PLCB4: variants seen among roughly 807,000 people sequenced by gnomAD.
PLCB4 encodes the protein phospholipase C beta 4.
In PLCB4, 77 loss-of-function variants were observed where a neutral mutation model predicts 178.8. The ratio of observed to expected loss-of-function variants is 0.43; its 90% confidence interval spans 0.36 to 0.52. The LOEUF is 0.52. Among genes scored for constraint, PLCB4 ranks in the 20% least tolerant of loss-of-function variants. The pLI is 0.00. For synonymous variants in PLCB4, 496 were observed against 490.8 expected (o/e 1.01, Z -0.14); for missense variants, 1,024 against 1,453.4 (o/e 0.70, Z 4.80).
intron 18 of PLCB4, among the ~76,000 whole-genome samples, chr20:9,395,151 A>G (rs2038468260): frequency 6.6e-6 from 1 of 152,150 alleles, no homozygotes; most frequent in Admixed American, 6.5e-5. Flanking sequence ...TCAGTTCCCC[A>G]TAACTGTTCG....
At chr20:9,340,044 T>C (rs554490022) in intron 7 of PLCB4, among the ~76,000 whole-genome samples, 5 of 152,216 alleles carry the variant, frequency 3.3e-5, no homozygotes, top group South Asian at 2.1e-4. Flanking sequence ...TGGGGAGGCA[T>C]TTTGTCTTCT....
intron 35 of PLCB4, among the ~76,000 whole-genome samples, chr20:9,462,715 GAAGA>G (rs977110412): frequency 1.3e-5 from 2 of 152,152 alleles, no homozygotes; most frequent in Admixed American, 1.3e-4. Context: ...AAAGATTAGA[GAAGA>G]AAGAGTAAAA....
chr20:9,080,133 T>A (rs2090075991), intron 1 of PLCB4, among the ~76,000 whole-genome samples: 1 of 152,180 alleles, frequency 6.6e-6, no homozygotes, highest in Non-Finnish European at 1.5e-5. Context: ...TTTAACAGAA[T>A]CATTAGCATC....
At chr20:9,413,737 C>T (rs543598560) in intron 25 of PLCB4, among the ~76,000 whole-genome samples, 11 of 151,830 alleles carry the variant, frequency 7.2e-5, no homozygotes, top group African/African-American at 2.7e-4. Context: ...ATTATTAGCA[C>T]GTGCAGTGTC....
At chr20:9,352,742 C>T (rs2034459702) in intron 7 of PLCB4, among the ~76,000 whole-genome samples, 1 of 152,154 alleles carries the variant, frequency 6.6e-6, no homozygotes, top group African/African-American at 2.4e-5. Context: ...ATTTCTTGCA[C>T]AAATACTCAT....
intron 2 of PLCB4, among the ~76,000 whole-genome samples, chr20:9,145,742 G>A (rs2092587028): frequency 1.3e-5 from 2 of 152,042 alleles, no homozygotes; most frequent in South Asian, 2.1e-4. Flanking sequence ...AATTGGAATA[G>A]CAAGGATCTC....
chr20:9,163,112 G>A (rs538705454), intron 2 of PLCB4, among the ~76,000 whole-genome samples: 1 of 152,284 alleles, frequency 6.6e-6, no homozygotes, highest in South Asian at 2.1e-4. Flanking sequence ...GAGATTGGAA[G>A]GGGAGCAGTG....
chr20:9,114,289 G>A (rs113861973), intron 2 of PLCB4, among the ~76,000 whole-genome samples: 1 of 152,248 alleles, frequency 6.6e-6, no homozygotes, highest in African/African-American at 2.4e-5. Flanking sequence ...ATAGGACTGT[G>A]CTTAATAAGG....
chr20:9,411,500 G>A (rs570272737), intron 25 of PLCB4, among the ~76,000 whole-genome samples: 1 of 152,246 alleles, frequency 6.6e-6, no homozygotes, highest in Non-Finnish European at 1.5e-5. Flanking sequence ...TGTGGGTGTC[G>A]AGCTGAATTT....
intron 28 of PLCB4, among the ~76,000 whole-genome samples, chr20:9,425,358 G>A (rs1007181231): frequency 6.6e-6 from 1 of 152,216 alleles, no homozygotes; most frequent in Non-Finnish European, 1.5e-5. Context: ...CCCATATGAT[G>A]GAAGATTTAG....
intron 2 of PLCB4, among the ~76,000 whole-genome samples, chr20:9,147,865 T>C (rs1192907342): frequency 6.6e-6 from 1 of 151,952 alleles, no homozygotes; most frequent in African/African-American, 2.4e-5. Context: ...GGAGGGAGAA[T>C]TGTGCTCTTT....
At chr20:9,146,880 T>C (rs1426869855) in intron 2 of PLCB4, among the ~76,000 whole-genome samples, 1 of 152,156 alleles carries the variant, frequency 6.6e-6, no homozygotes, top group Non-Finnish European at 1.5e-5. Context: ...TAAGTGTAAA[T>C]AGAAGAGAGC....
At chr20:9,283,312 T>G (rs2094510716) in intron 3 of PLCB4, among the ~76,000 whole-genome samples, 1 of 151,936 alleles carries the variant, frequency 6.6e-6, no homozygotes, top group Non-Finnish European at 1.5e-5. Context: ...CATGACAAAG[T>G]TCTATTTCAC....
chr20:9,159,544 C>T (rs1189801536), intron 2 of PLCB4, among the ~76,000 whole-genome samples: 1 of 152,138 alleles, frequency 6.6e-6, no homozygotes. Flanking sequence ...ACTTAAGACT[C>T]ATCAGTTGAA....
intron 1 of PLCB4, among the ~76,000 whole-genome samples, chr20:9,083,928 A>G (rs2090281487): frequency 6.6e-6 from 1 of 152,196 alleles, no homozygotes; most frequent in South Asian, 2.1e-4. Context: ...TAAGCTAGTC[A>G]GTCTATGGTA....
intron 36 of PLCB4, among the ~76,000 whole-genome samples, chr20:9,470,496 C>G (rs1395185589): frequency 6.6e-6 from 1 of 152,108 alleles, no homozygotes; most frequent in Non-Finnish European, 1.5e-5. Context: ...TTTAGACTAT[C>G]CAAAGTGAAA....
intron 34 of PLCB4, among the ~76,000 whole-genome samples, chr20:9,458,276 A>G (rs1229126701): frequency 6.6e-6 from 1 of 152,192 alleles, no homozygotes; most frequent in Non-Finnish European, 1.5e-5. Context: ...TTTGTAGGGC[A>G]TGAACTCTAT....
chr20:9,156,663 A>T (rs903009310), intron 2 of PLCB4, among the ~76,000 whole-genome samples: 2 of 152,172 alleles, frequency 1.3e-5, no homozygotes, highest in African/African-American at 4.8e-5. Context: ...CAATTTACAT[A>T]GCTATTTCTT....
In PLCB4 at chr20:9,435,653, G is replaced by C; in HGVS notation, c.2613+5G>C. 1 of 1,533,876 alleles carries C rather than the reference G, an allele frequency of 6.5e-7. No individual in the cohort carries two copies. Among genetic ancestry groups the C allele is most frequent in the Non-Finnish European group, 9.0e-7 (1 of 1,109,320 alleles). ...AGAGCTATGGGCATTGAAACTGTAA[G>C]TAGAAATGGTTGATTAAAGGTGGCC... On this transcript the variant is annotated splice_donor_5th_base_variant and intron_variant, in intron 29 of 39. Transcript: ENST00000378473.
Sources: allele counts gnomAD v4.1 joint callset (sites outside exome capture counted in the v4.1 genomes callset), GRCh38; gene constraint gnomAD v4.1.1; transcripts MANE v1.5; gene names NCBI Gene and HGNC (gene_info 2026-07-23, HGNC 2026-07-21).